The following POLR2F variants were observed in gnomAD, a reference collection of about 807,000 sequenced individuals.
POLR2F encodes the protein DNA-directed RNA polymerases I, II, and III subunit RPABC2.
Under a neutral mutation model 22.7 loss-of-function variants are expected in POLR2F, and 12 were observed. The ratio of observed to expected loss-of-function variants is 0.53; its 90% CI spans 0.34 to 0.86. The LOEUF is 0.86. Among genes scored for constraint, POLR2F ranks in the 40% least tolerant of loss-of-function variants. POLR2F has a pLI of 0.02. For synonymous variants in POLR2F, 57 were observed against 66.0 expected (o/e 0.86, Z 0.66); for missense variants, 126 against 171.5 (o/e 0.73, Z 1.48).
chr22:38,007,977 C>T (rs572849651), intron 1 of POLR2F, among the ~76,000 whole-genome samples: 18 of 152,234 alleles, frequency 1.2e-4, no homozygotes, highest in Admixed American at 1.3e-4. Context: ...TGGTGGCTCA[C>T]GCCTATAATC....
rs769038419 is a variant in POLR2F, at chr22:37,967,049, C to T, written c.222-50C>T. ...GTTCCACCCTCACTGCCTGTTGGGC[C>T]CTTCTCCCTGGGTTTGTAGTCTCCC... On this transcript the variant is annotated intron_variant, in intron 3 of 4. Coordinates refer to ENST00000442738, the MANE Select transcript of POLR2F (RefSeq NM_021974.5). The T allele has an allele frequency of 1.2e-5, 17 of 1,395,326 alleles. No homozygotes were observed. In the South Asian group the frequency reaches 2.1e-4, roughly 18 times the overall value. 86.4% of individuals were successfully genotyped at this position (1,395,326 alleles called of 1,614,324 possible).
intron 5 of POLR2F, among the ~76,000 whole-genome samples, chr22:38,038,729 C>A (rs2085140453): frequency 6.6e-6 from 1 of 152,072 alleles, no homozygotes; most frequent in Admixed American, 6.5e-5. Context: ...ACCTTTTGTT[C>A]CCCTCCCTGC....
At position 37,980,798 on chromosome 22, in the gene POLR2F, C is replaced by T. The variant is rs571416465; in HGVS notation, c.293+13628C>T. The stretch of plus-strand genomic sequence containing the variant: ...CCTCACCCAAACTGGAAACCCCAAC[C>T]GGGGACCTCCCACAGTGGGGCACTG... On this transcript the variant is annotated intron_variant, in intron 4 of 4. Coordinates refer to the POLR2F transcript ENST00000405557. The surrounding 1 kb of genome is among the most constrained non-coding windows in gnomAD (Gnocchi z 4.1). Among the ~76,000 whole-genome samples the T allele has an allele frequency of 3.3e-5, 5 of 152,352 alleles. No homozygotes were observed. Among genetic ancestry groups the T allele is most frequent in the African/African-American group, 7.2e-5 (3 of 41,580 alleles).
chr22:37,981,927 T>G (rs1437288251), upstream of POLR2F, among the ~76,000 whole-genome samples: 22 of 152,130 alleles, frequency 1.4e-4, no homozygotes, highest in Admixed American at 1.4e-3. Context: ...AGCAAACACA[T>G]GGCAAGAACA....
rs2145782950 is a variant in POLR2F at position 37,986,806 on chromosome 22, C to T, written c.120+494C>T. 2.2e-6 allele frequency: 1 copy of T among 460,468 alleles called. No individual in the cohort carries two copies. Among genetic ancestry groups the T allele is most frequent in the South Asian group, 1.5e-5 (1 of 64,596 alleles). 28.5% of individuals were successfully genotyped at this position (460,468 alleles called of 1,614,324 possible). On this transcript the variant is annotated intron_variant, in intron 1 of 2. Transcript: ENST00000333418. This position sits in a 1 kb window ranked among gnomAD's most constrained non-coding sequence, Gnocchi z 4.7. ...CCACCATGCTGGCAACTGGGATCCC[C>T]TCCATCCCATCCCAGGCCCTGGGAA...
intron 1 of POLR2F, among the ~76,000 whole-genome samples, chr22:37,996,388 C>T (rs2084714226): frequency 6.6e-6 from 1 of 152,250 alleles, no homozygotes; most frequent in African/African-American, 2.4e-5. Context: ...CGAGAGAGCT[C>T]ACAGCCCCAG....
chr22:38,030,542 C>T (rs1335072679), downstream of POLR2F, among the ~76,000 whole-genome samples: 2 of 152,138 alleles, frequency 1.3e-5, no homozygotes, highest in Non-Finnish European at 2.9e-5. Context: ...AGTGCTCAAC[C>T]CTCCTTCTCC....
At chr22:37,990,314 G>A (rs1174827259) in intron 1 of POLR2F, among the ~76,000 whole-genome samples, 1 of 152,244 alleles carries the variant, frequency 6.6e-6, no homozygotes, top group African/African-American at 2.4e-5. Context: ...AGCTCCCGGG[G>A]TTGGAATCTT....
chr22:38,035,284 A>C (rs1221012759), intron 5 of POLR2F, among the ~76,000 whole-genome samples: 3 of 152,176 alleles, frequency 2.0e-5, no homozygotes, highest in Non-Finnish European at 4.4e-5. Flanking sequence ...AGGCCTTTAC[A>C]TCCAGTGTGG....
At chr22:38,035,606 A>G (rs1448012218) in intron 5 of POLR2F, among the ~76,000 whole-genome samples, 5 of 152,056 alleles carry the variant, frequency 3.3e-5, no homozygotes, top group Admixed American at 2.6e-4. Context: ...ACCTCCTGCT[A>G]CTATCACCAC....
chr22:38,009,533 A>G (rs1335810603), intron 1 of POLR2F, among the ~76,000 whole-genome samples: 1 of 152,198 alleles, frequency 6.6e-6, no homozygotes, highest in African/African-American at 2.4e-5. Flanking sequence ...TTGACATACA[A>G]TAAACTGCAC....
intron 2 of POLR2F, among the ~76,000 whole-genome samples, chr22:37,958,817 A>T (rs536865410): frequency 6.6e-6 from 1 of 152,266 alleles, no homozygotes; most frequent in South Asian, 2.1e-4. Flanking sequence ...AGAAATTCCT[A>T]GCTTTCTTTC....
At position 37,959,407 on chromosome 22, in the gene POLR2F, G is replaced by A. The variant is rs148513446; in HGVS notation, c.152G>A (p.Arg51Gln). The change falls in exon 3 of 5, where the codon CGA becomes CAA. Residue 51 changes from arginine (R) to glutamine (Q), a missense_variant. By Grantham distance (43) the Arg-to-Gln change is conservative. Coordinates refer to ENST00000442738, the MANE Select transcript of POLR2F (RefSeq NM_021974.5). ...GAGCGACCGCAGGCCAACCAGAAGC[G>A]AATCACCACACCATACATGACCAAG... is the stretch of plus-strand genomic sequence containing the variant. ...SGERPQANQK[R>Q]ITTPYMTKYE... 12 of 1,614,002 alleles carry A rather than the reference G, an allele frequency of 7.4e-6. No homozygotes were observed. The highest frequency in any genetic ancestry group is 2.2e-5 in the East Asian group (1 of 44,886).
At chr22:37,991,348 A>T (rs1569174450) in intron 1 of POLR2F, among the ~76,000 whole-genome samples, 1 of 152,030 alleles carries the variant, frequency 6.6e-6, no homozygotes, top group Non-Finnish European at 1.5e-5. Context: ...TGAACTCCTG[A>T]CCTCAGGTGA....
At chr22:37,960,399 T>A (rs1161227778) in intron 3 of POLR2F, among the ~76,000 whole-genome samples, 1 of 151,804 alleles carries the variant, frequency 6.6e-6, no homozygotes, top group East Asian at 1.9e-4. Flanking sequence ...AATTTTTGTA[T>A]TTTTTCTTTT....
At chr22:37,998,167 G>A (rs565490622) in intron 1 of POLR2F, among the ~76,000 whole-genome samples, 16 of 152,344 alleles carry the variant, frequency 1.1e-4, no homozygotes, top group African/African-American at 2.4e-4. Context: ...TGGTCGATTG[G>A]GGGTGGGGCA....
Position 37,986,936 on chromosome 22 carries a change from C to A in POLR2F, c.120+624C>A. 2.2e-6 allele frequency: 1 copy of A among 452,792 alleles called. No homozygotes were observed. Among genetic ancestry groups the A allele is most frequent in the South Asian group, 1.6e-5 (1 of 64,254 alleles). 28.0% of individuals were successfully genotyped at this position (452,792 alleles called of 1,614,324 possible). ...CTGGCTGAAGACACCTGGGCCTCTG[C>A]CCCAGCAGGACAACAGGAGGGCCAG... On this transcript the variant is annotated intron_variant, in intron 1 of 2. Transcript: ENST00000333418. The surrounding 1 kb of genome is among the most constrained non-coding windows in gnomAD (Gnocchi z 4.7).
chr22:37,963,718 CAAAT>C (rs1302479149), intron 3 of POLR2F, among the ~76,000 whole-genome samples: 5 of 152,192 alleles, frequency 3.3e-5, no homozygotes, highest in Non-Finnish European at 5.9e-5. Context: ...ATTTTTAAAA[CAAAT>C]AGACTGCTTA....
exon 3 of POLR2F, chr22:38,026,300 T>C (rs909085865): frequency 1.9e-6 from 1 of 532,762 alleles, no homozygotes; most frequent in African/African-American, 1.9e-5. Flanking sequence ...GACCCAAGCA[T>C]GGACAAGTGA....
Sources: allele counts gnomAD v4.1 joint callset (sites outside exome capture counted in the v4.1 genomes callset), GRCh38; gene constraint gnomAD v4.1.1; non-coding constraint Gnocchi (gnomAD v3.1); transcripts MANE v1.5; gene names NCBI Gene and HGNC (gene_info 2026-07-23, HGNC 2026-07-21).